JMJD1C: variants seen among roughly 807,000 people sequenced by gnomAD.
JMJD1C encodes the protein jumonji domain-containing protein 1C.
In JMJD1C, 31 loss-of-function variants were observed where a neutral mutation model predicts 245.3. That is an observed-to-expected ratio of 0.13 (90% CI 0.09 to 0.17). JMJD1C has a LOEUF of 0.17. Among genes scored for constraint, JMJD1C ranks in the 10% least tolerant of loss-of-function variants. JMJD1C has a pLI of 1.00. For missense variants in JMJD1C, 2,691 were observed against 3,000.2 expected (o/e 0.90, Z 2.41); for synonymous variants, 1,057 against 1,017.4 (o/e 1.04, Z -0.74).
Position 63,208,184 on chromosome 10 carries a change from T to G in JMJD1C, c.3485A>C (p.Lys1162Thr). The G allele has an allele frequency of 6.2e-7, 1 of 1,613,480 alleles. No individual in the cohort carries two copies. The highest frequency in any genetic ancestry group is 8.5e-7 in the Non-Finnish European group (1 of 1,179,956). ...HQPESEGLVG[K>T]IPEHLPHQIA... The stretch of plus-strand genomic sequence containing the variant: ...CTGATGTGGAAGATGTTCTGGTATC[T>G]TGCCTACTAAACCTTCACTTTCTGG... The change falls in exon 10 of 26, where the codon AAG becomes ACG. Residue 1162 changes from lysine to threonine, a missense_variant. Physicochemically the swap from Lys to Thr is moderately conservative, Grantham distance 78. Around this residue, in one of 9 missense-constraint regions of JMJD1C, gnomAD observed 1,562 missense variants for 1,490.7 expected, o/e 1.05. Transcript: ENST00000399262.
At chr10:63,222,622 A>G (rs1428824886) in intron 3 of JMJD1C, 15 of 1,585,872 alleles carry the variant, frequency 9.5e-6, no homozygotes, top group Non-Finnish European at 1.3e-5. Flanking sequence ...CACATGCTGA[A>G]TTTTTGGACA....
At chr10:63,433,652 C>T (rs2132862842) in intron 1 of JMJD1C, among the ~76,000 whole-genome samples, 1 of 146,402 alleles carries the variant, frequency 6.8e-6, no homozygotes, top group African/African-American at 2.5e-5. Context: ...AGGGTGAGAT[C>T]ATGGCTCACT....
chr10:63,298,372 C>T (rs538673810), intron 2 of JMJD1C, among the ~76,000 whole-genome samples: 98 of 152,320 alleles, frequency 6.4e-4, no homozygotes, highest in Admixed American at 1.5e-3. Flanking sequence ...CCTCTGAAAA[C>T]TGTACCAGAG....
intron 2 of JMJD1C, among the ~76,000 whole-genome samples, chr10:63,281,969 T>G (rs1049607929): frequency 2.0e-5 from 3 of 152,100 alleles, no homozygotes; most frequent in African/African-American, 7.2e-5. Flanking sequence ...CCTCAAGGAG[T>G]AGGACATATA....
At chr10:63,252,268 G>C (rs921756335) in intron 3 of JMJD1C, among the ~76,000 whole-genome samples, 2 of 152,164 alleles carry the variant, frequency 1.3e-5, no homozygotes, top group African/African-American at 4.8e-5. Flanking sequence ...ACTTGACTAG[G>C]AAATGTTGCC....
intron 1 of JMJD1C, among the ~76,000 whole-genome samples, chr10:63,440,497 A>G (rs1242111190): frequency 6.6e-6 from 1 of 152,120 alleles, no homozygotes; most frequent in East Asian, 1.9e-4. Flanking sequence ...ATCTGCCTTT[A>G]TAATACCTCA....
intron 2 of JMJD1C, among the ~76,000 whole-genome samples, chr10:63,356,428 C>G (rs1944848282): frequency 6.6e-6 from 1 of 152,172 alleles, no homozygotes; most frequent in African/African-American, 2.4e-5. Context: ...ACTCCAGACC[C>G]TCACTGAAGA....
chr10:63,334,666 A>G (rs1942507654), intron 2 of JMJD1C, among the ~76,000 whole-genome samples: 2 of 150,146 alleles, frequency 1.3e-5, no homozygotes, highest in Admixed American at 1.3e-4. Context: ...GGTTGCAGCG[A>G]GCTGAGATTG....
At chr10:63,230,049 T>C in intron 3 of JMJD1C, among the ~76,000 whole-genome samples, 1 of 152,162 alleles carries the variant, frequency 6.6e-6, no homozygotes, top group East Asian at 1.9e-4. Flanking sequence ...GGGCAAATCA[T>C]TAAATTTGGC....
At chr10:63,438,435 C>T (rs534127820) in intron 1 of JMJD1C, among the ~76,000 whole-genome samples, 19 of 152,162 alleles carry the variant, frequency 1.2e-4, no homozygotes, top group Non-Finnish European at 2.5e-4. Context: ...TGCCTCCTAA[C>T]CGCTCTCCCT....
At chr10:63,241,750 ATTTT>A (rs2133510443) in intron 3 of JMJD1C, among the ~76,000 whole-genome samples, 1 of 152,212 alleles carries the variant, frequency 6.6e-6, no homozygotes, top group African/African-American at 2.4e-5. Context: ...CTAAACAGTT[ATTTT>A]GTTTGCCATC....
chr10:63,383,224 A>G (rs1008211670), intron 1 of JMJD1C, among the ~76,000 whole-genome samples: 10 of 152,102 alleles, frequency 6.6e-5, no homozygotes, highest in African/African-American at 2.4e-4. Context: ...CTTTAAAAAA[A>G]AAAAAAAAAG....
At chr10:63,354,246 T>C (rs891757481) in intron 2 of JMJD1C, among the ~76,000 whole-genome samples, 1 of 152,218 alleles carries the variant, frequency 6.6e-6, no homozygotes, top group Non-Finnish European at 1.5e-5. Context: ...ATGAATCAAT[T>C]GTCCCCACAA....
intron 2 of JMJD1C, among the ~76,000 whole-genome samples, chr10:63,277,319 G>T (rs1460704624): frequency 6.6e-6 from 1 of 151,626 alleles, no homozygotes; most frequent in Non-Finnish European, 1.5e-5. Flanking sequence ...GCTTTTAAGG[G>T]TTGGTGTCTA....
intron 1 of JMJD1C, among the ~76,000 whole-genome samples, chr10:63,422,817 A>G (rs1453915204): frequency 6.6e-6 from 1 of 152,216 alleles, no homozygotes; most frequent in Non-Finnish European, 1.5e-5. Flanking sequence ...CAGTTTAGTG[A>G]AAAGGTATTC....
rs571900119 is a variant in JMJD1C, at chr10:63,190,968, T to C, written c.6217A>G (p.Thr2073Ala). The change falls in exon 17 of 26, where the codon ACA becomes GCA. Residue 2073 changes from threonine to alanine, a missense_variant. By Grantham distance (58) the Thr-to-Ala change is moderately conservative. This residue lies in a region of JMJD1C where 275 missense variants were observed against 285.5 expected (regional missense o/e 0.96). Coordinates refer to ENST00000399262, the MANE Select transcript of JMJD1C (RefSeq NM_032776.3). ...GSTLRDLLTT[T>A]AGKLRVGSTD... ...GACCCCACACGTAGCTTTCCAGCTGTTGTAGTCAGCAAATCCCGTAAGGTT... is the reference window on the plus strand; with the variant it reads ...GACCCCACACGTAGCTTTCCAGCTGCTGTAGTCAGCAAATCCCGTAAGGTT... The C allele has an allele frequency of 1.2e-6, 2 of 1,614,150 alleles. No homozygotes were observed. The highest frequency in any genetic ancestry group is 1.7e-6 in the Non-Finnish European group (2 of 1,179,980).
At chr10:63,519,170 T>C (rs1461707141) in intron 1 of JMJD1C, among the ~76,000 whole-genome samples, 1 of 152,122 alleles carries the variant, frequency 6.6e-6, no homozygotes, top group Non-Finnish European at 1.5e-5. Context: ...AATCTAAATG[T>C]GGAAGAGGCA....
At chr10:63,282,134 T>A (rs1857480408) in intron 2 of JMJD1C, among the ~76,000 whole-genome samples, 1 of 152,200 alleles carries the variant, frequency 6.6e-6, no homozygotes, top group Admixed American at 6.6e-5. Flanking sequence ...CTGGCAAACA[T>A]CTGTTTCTTG....
chr10:63,351,678 A>C (rs1437316325), intron 2 of JMJD1C, among the ~76,000 whole-genome samples: 4 of 152,196 alleles, frequency 2.6e-5, no homozygotes, highest in African/African-American at 9.6e-5. Flanking sequence ...AAGACTAACA[A>C]GAGACCTACA....
Sources: allele counts gnomAD v4.1 joint callset (sites outside exome capture counted in the v4.1 genomes callset), GRCh38; gene constraint gnomAD v4.1.1; regional missense constraint gnomAD v4.1.1; transcripts MANE v1.5; gene names NCBI Gene and HGNC (gene_info 2026-07-23, HGNC 2026-07-21).